Variants in SAMD5 observed in about 807,000 individuals in gnomAD.
SAMD5 encodes the protein sterile alpha motif domain-containing protein 5.
Under a neutral mutation model 11.3 loss-of-function variants are expected in SAMD5, and 13 were observed. The observed-to-expected ratio is 1.15, with a 90% CI of 0.75 to 1.83. SAMD5 has a LOEUF of 1.83. Ranked by LOEUF, SAMD5 falls within the 40% of genes most tolerant of loss-of-function variation. SAMD5 has a pLI of 0.00. For synonymous variants in SAMD5, 129 were observed against 111.3 expected (o/e 1.16, Z -1.00); for missense variants, 255 against 239.1 (o/e 1.07, Z -0.44).
chr6:147,693,986 C>T (rs1449353663), intron 1 of SAMD5, among the ~76,000 whole-genome samples: 1 of 151,976 alleles, frequency 6.6e-6, no homozygotes, highest in African/African-American at 2.4e-5. Flanking sequence ...GGGAAGATCC[C>T]GTCCAAGAGG....
the SAMD5 span, among the ~76,000 whole-genome samples, chr6:147,810,810 A>G: frequency 0.31 from 47,038 of 152,088 alleles, 8,859 homozygotes; most frequent in East Asian, 0.4. Flanking sequence ...TGGCACAGAG[A>G]GGTTAATTGA....
the SAMD5 span, among the ~76,000 whole-genome samples, chr6:147,809,981 G>C: frequency 1.3e-5 from 2 of 152,254 alleles, no homozygotes; most frequent in Non-Finnish European, 2.9e-5. Context: ...TCTAGCTCTA[G>C]CATTTACTTA....
intron 1 of SAMD5, among the ~76,000 whole-genome samples, chr6:147,700,234 C>T (rs1365226790): frequency 1.3e-5 from 2 of 152,108 alleles, no homozygotes; most frequent in Non-Finnish European, 2.9e-5. Flanking sequence ...AATTTTCAAA[C>T]CACACCTCTG....
At chr6:147,851,166 A>G in the SAMD5 span, among the ~76,000 whole-genome samples, 137 of 149,674 alleles carry the variant, frequency 9.2e-4, 1 homozygote, top group East Asian at 0.023. Context: ...CTGGTCTCAA[A>G]CTCCTGACCC....
At chr6:147,648,181 A>G (rs550305109) in intron 1 of SAMD5, among the ~76,000 whole-genome samples, 64 of 152,320 alleles carry the variant, frequency 4.2e-4, no homozygotes, top group Admixed American at 6.5e-4. Flanking sequence ...AGGAGATTTA[A>G]TTGACTCCGT....
chr6:147,837,095 T>A, the SAMD5 span, among the ~76,000 whole-genome samples: 5 of 152,184 alleles, frequency 3.3e-5, no homozygotes, highest in Admixed American at 3.3e-4. Context: ...CACATTTGAG[T>A]TAGCAAGAGT....
intron 1 of SAMD5, among the ~76,000 whole-genome samples, chr6:147,513,062 G>T (rs926353237): frequency 1.3e-5 from 2 of 151,950 alleles, no homozygotes; most frequent in African/African-American, 2.4e-5. Context: ...GCAAAGGCCA[G>T]GAAGGGGAGG....
At chr6:147,745,848 G>A in the SAMD5 span, among the ~76,000 whole-genome samples, 2 of 149,886 alleles carry the variant, frequency 1.3e-5, no homozygotes, top group African/African-American at 4.9e-5. Context: ...ATGGGAACAA[G>A]GCTTACCGCA....
chr6:147,529,650 T>C lies in SAMD5; in HGVS notation c.459+20263T>C, dbSNP rs138335697. Among the ~76,000 whole-genome samples the C allele has an allele frequency of 2.5e-3, 388 of 152,314 alleles. 2 individuals are homozygous for C. The highest frequency in any genetic ancestry group is 4.6e-3 in the Non-Finnish European group (314 of 68,012). On this transcript the variant is annotated intron_variant, in intron 1 of 1. Transcript: ENST00000367474. ...AGAAAATGCTGAATAAACTCATCAG[T>C]AATGATTTCCTTGGGTCATTTTTAC...
At chr6:147,769,402 G>A in the SAMD5 span, among the ~76,000 whole-genome samples, 4,357 of 151,712 alleles carry the variant, frequency 0.029, 166 homozygotes, top group African/African-American at 0.088. Flanking sequence ...AAGGCATTTT[G>A]TTCAATTATT....
chr6:147,867,000 A>G, the SAMD5 span, among the ~76,000 whole-genome samples: 6 of 152,186 alleles, frequency 3.9e-5, no homozygotes, highest in Non-Finnish European at 7.3e-5. Flanking sequence ...ATTTACATGG[A>G]CAAAATGCTA....
chr6:147,570,327 G>A (rs1562323558), downstream of SAMD5, among the ~76,000 whole-genome samples: 1 of 152,078 alleles, frequency 6.6e-6, no homozygotes, highest in Non-Finnish European at 1.5e-5. Context: ...GGGATGGTGG[G>A]GGCTGTCGGG....
chr6:147,808,643 T>C, the SAMD5 span, among the ~76,000 whole-genome samples: 3 of 152,220 alleles, frequency 2.0e-5, no homozygotes, highest in Non-Finnish European at 4.4e-5. Context: ...AGGGAAAATA[T>C]CTTGTTTAAA....
chr6:147,790,585 A>G, the SAMD5 span, among the ~76,000 whole-genome samples: 1 of 152,310 alleles, frequency 6.6e-6, no homozygotes, highest in East Asian at 1.9e-4. Flanking sequence ...AATACTTAGT[A>G]AAGCATCACT....
the SAMD5 span, among the ~76,000 whole-genome samples, chr6:147,844,977 AGAGAAGC>A: frequency 6.6e-6 from 1 of 152,162 alleles, no homozygotes; most frequent in African/African-American, 2.4e-5. Flanking sequence ...AATAGCTAAA[AGAGAAGC>A]TTTCAAATGT....
At chr6:147,656,253 C>T (rs900015965) in intron 1 of SAMD5, among the ~76,000 whole-genome samples, 19 of 152,034 alleles carry the variant, frequency 1.2e-4, no homozygotes, top group Admixed American at 7.2e-4. Context: ...AAAACATGAC[C>T]GAATCCCTCT....
At chr6:147,558,599 C>T (rs1788894818) in intron 1 of SAMD5, among the ~76,000 whole-genome samples, 1 of 151,976 alleles carries the variant, frequency 6.6e-6, no homozygotes, top group Non-Finnish European at 1.5e-5. Flanking sequence ...TCGAATCTCC[C>T]CCCCGTCCTC....
chr6:147,708,829 G>A (rs964842453), intron 1 of SAMD5, among the ~76,000 whole-genome samples: 1 of 152,304 alleles, frequency 6.6e-6, no homozygotes, highest in East Asian at 1.9e-4. Context: ...GAACCATAGG[G>A]TTCAGATGGT....
chr6:147,641,228 T>C (rs796671457), intron 1 of SAMD5, among the ~76,000 whole-genome samples: 2 of 152,178 alleles, frequency 1.3e-5, no homozygotes, highest in African/African-American at 4.8e-5. Context: ...AATATGGATG[T>C]CCAACATTGG....
Sources: allele counts gnomAD v4.1 joint callset (sites outside exome capture counted in the v4.1 genomes callset), GRCh38; gene constraint gnomAD v4.1.1; transcripts MANE v1.5; gene names NCBI Gene and HGNC (gene_info 2026-07-23, HGNC 2026-07-21).